Variants in BORCS7 observed in about 807,000 individuals in gnomAD.
The protein encoded by BORCS7 is BLOC-1-related complex subunit 7.
Under a neutral mutation model 17.5 loss-of-function variants are expected in BORCS7, and 20 were observed. The observed-to-expected ratio is 1.14, with a 90% confidence interval of 0.80 to 1.66. The LOEUF is 1.66. Ranked by LOEUF, BORCS7 falls within the 40% of genes most tolerant of loss-of-function variation. The pLI, the probability that BORCS7 is intolerant of heterozygous loss-of-function variation, is 0.00. For synonymous variants in BORCS7, 57 were observed against 49.8 expected (o/e 1.14, Z -0.61); for missense variants, 122 against 129.7 (o/e 0.94, Z 0.29).
At chr10:102,862,630 T>C (rs1844538641) in intron 4 of BORCS7, among the ~76,000 whole-genome samples, 1 of 152,180 alleles carries the variant, frequency 6.6e-6, no homozygotes, top group Admixed American at 6.5e-5. Context: ...CATGCAACAG[T>C]ATTTATGCAT....
intron 1 of BORCS7, among the ~76,000 whole-genome samples, chr10:102,856,758 T>G (rs911262948): frequency 4.6e-5 from 7 of 152,236 alleles, no homozygotes; most frequent in African/African-American, 1.7e-4. Context: ...CTGGTCTGTT[T>G]ATGTAGGAAA....
At position 102,863,682 on chromosome 10, in the gene BORCS7, C is replaced by A. The variant is rs1590214528; in HGVS notation, c.*758C>A. On this transcript the variant is annotated 3_prime_UTR_variant, in exon 5 of 5. Transcript: ENST00000339834. Reference sequence around the variant, plus strand: ...TAAGGAAATATTTTAATTTCATGGTCATATAATGGTGATAAGTAATACCTG... The same window carrying A: ...TAAGGAAATATTTTAATTTCATGGTAATATAATGGTGATAAGTAATACCTG... 6.6e-6 allele frequency: 1 copy of A among 152,212 alleles called. No individual in the cohort carries two copies. The highest frequency in any genetic ancestry group is 1.5e-5 in the Non-Finnish European group (1 of 68,018). 9.4% of individuals were successfully genotyped at this position (152,212 alleles called of 1,614,324 possible).
At chr10:102,862,212 AC>A in intron 4 of BORCS7, 32 bp downstream of exon 4, 1 of 1,596,510 alleles carries the variant, frequency 6.3e-7, no homozygotes, top group Non-Finnish European at 8.6e-7. Context: ...GGAGTAGGGA[AC>A]CAACTGAAGC....
In BORCS7 at chr10:102,863,052, A is replaced by G. The variant is rs1844544760; in HGVS notation, c.*128A>G. The G allele has an allele frequency of 4.5e-6, 4 of 882,052 alleles. No individual in the cohort carries two copies. Among genetic ancestry groups the G allele is most frequent in the Non-Finnish European group, 5.5e-6 (3 of 549,396 alleles). 54.6% of individuals were successfully genotyped at this position (882,052 alleles called of 1,614,324 possible). Reference sequence around the variant, plus strand: ...AGTTAAGTTAGAAAAGTTCTGTGTTAGGGCCGGGCGCGGTAGCTCACGCCT... The same window carrying G: ...AGTTAAGTTAGAAAAGTTCTGTGTTGGGGCCGGGCGCGGTAGCTCACGCCT... On this transcript the variant is annotated 3_prime_UTR_variant, in exon 5 of 5. Transcript: ENST00000339834.
chr10:102,861,419 GA>G (rs745985677), intron 3 of BORCS7, among the ~76,000 whole-genome samples: 47 of 101,918 alleles, frequency 4.6e-4, no homozygotes, highest in East Asian at 8.8e-4. Context: ...TCTGCCTCCA[GA>G]AAAAAAAAAA....
At chr10:102,854,542 A>C in intron 1 of BORCS7, 115 bp downstream of exon 1, 1 of 1,279,130 alleles carries the variant, frequency 7.8e-7, no homozygotes, top group East Asian at 2.6e-5. Context: ...AGTACTTGCT[A>C]TGAGTAGGTC....
chr10:102,860,350 C>G lies in BORCS7; in HGVS notation c.160C>G (p.Arg54Gly), dbSNP rs762780871. The G allele has an allele frequency of 2.5e-6, 4 of 1,613,440 alleles. No individual in the cohort carries two copies. The highest frequency in any genetic ancestry group is 2.2e-5 in the South Asian group (2 of 91,048). The change falls in exon 2 of 5, where the codon CGA (arginine) becomes GGA (glycine). Residue 54 changes from arginine to glycine, a missense_variant. Physicochemically the swap from Arg to Gly is moderately radical, Grantham distance 125. Transcript: ENST00000339834. ...CTTCCAGCTGCTAGGTCAGGCAGCT[C>G]GAAACATGGTACTCCAGGAAGATGC... ...RSSELLGQAA[R>G]NMVLQEDAIL...
chr10:102,854,373 T>A lies in BORCS7; in HGVS notation c.87T>A (p.Gly29=). 1 of 1,571,584 alleles carries A rather than the reference T, an allele frequency of 6.4e-7. No individual in the cohort carries two copies. The highest frequency in any genetic ancestry group is 8.6e-7 in the Non-Finnish European group (1 of 1,157,156). The change falls in exon 1 of 5, where the codon GGT becomes GGA. Residue 29 remains glycine, a synonymous_variant. Coordinates refer to ENST00000339834, the MANE Select transcript of BORCS7 (RefSeq NM_001136200.2). ...TCACGGAGAAGGTGACCACCTGTGG[T>A]ACTGACGTAATCGCGCTCACCAAGC... ...GLLTEKVTTC[G]TDVIALTKQV... is the part of the protein sequence containing the mutation.
intron 3 of BORCS7, among the ~76,000 whole-genome samples, chr10:102,861,277 G>A (rs1844516458): frequency 1.3e-5 from 2 of 151,912 alleles, no homozygotes; most frequent in East Asian, 1.9e-4. Context: ...GTAGCCGGGT[G>A]TGGTGGTGGG....
chr10:102,856,172 T>C (rs1420803523), intron 1 of BORCS7, among the ~76,000 whole-genome samples: 1 of 152,196 alleles, frequency 6.6e-6, no homozygotes, highest in Non-Finnish European at 1.5e-5. Context: ...TTATGACTCA[T>C]AGGCTTGTCT....
chr10:102,857,409 A>G (rs7087310), intron 1 of BORCS7, among the ~76,000 whole-genome samples: 243 of 152,244 alleles, frequency 1.6e-3, no homozygotes, highest in African/African-American at 5.4e-3. Flanking sequence ...TCTCCCATCT[A>G]TAGGAGTTTG....
intron 1 of BORCS7, among the ~76,000 whole-genome samples, chr10:102,854,924 G>C (rs1267579975): frequency 1.4e-5 from 2 of 145,976 alleles, no homozygotes; most frequent in Non-Finnish European, 3.0e-5. Flanking sequence ...TATATATAAT[G>C]TGTATGTATA....
chr10:102,862,798 T>C, intron 4 of BORCS7, 75 bp from the exon 5 acceptor site: 1 of 1,387,276 alleles, frequency 7.2e-7, no homozygotes, highest in Non-Finnish European at 1.0e-6. Flanking sequence ...AAAAAAAAAA[T>C]TTGTAAATAG....
intron 1 of BORCS7, among the ~76,000 whole-genome samples, chr10:102,855,827 C>G (rs1343202253): frequency 6.6e-6 from 1 of 152,092 alleles, no homozygotes; most frequent in South Asian, 2.1e-4. Context: ...GTGGCCCGAT[C>G]TCGGGCTCAC....
rs1197964781 is a variant in BORCS7 at position 102,862,142 on chromosome 10, T to A, written c.249-18T>A. The A allele has an allele frequency of 6.2e-7, 1 of 1,601,498 alleles. No individual in the cohort carries two copies. The highest frequency in any genetic ancestry group is 1.7e-5 in the Admixed American group (1 of 59,940). On this transcript the variant is annotated intron_variant, in intron 3 of 4. Transcript: ENST00000339834. Reference sequence around the variant, plus strand: ...TAGTTCACTTATGTGTATTTTCCTCTTTCCTTTTCTGATTTAGGCAAGAAG... The same window carrying A: ...TAGTTCACTTATGTGTATTTTCCTCATTCCTTTTCTGATTTAGGCAAGAAG...
intron 1 of BORCS7, 92 bp downstream of exon 1, chr10:102,854,519 T>G: frequency 7.0e-7 from 1 of 1,428,538 alleles, no homozygotes; most frequent in Non-Finnish European, 9.4e-7. Flanking sequence ...ATCTTGGGAA[T>G]TGTAGGCTGT....
At chr10:102,862,807 AGTT>A in intron 4 of BORCS7, 63 bp from the exon 5 acceptor site, 1 of 1,446,192 alleles carries the variant, frequency 6.9e-7, no homozygotes, top group African/African-American at 1.4e-5. Flanking sequence ...ATTTGTAAAT[AGTT>A]GTACAAAGAT....
Position 102,854,264 on chromosome 10 carries a change from TG to T in BORCS7, c.-22del, listed in dbSNP as rs753910123. ...GGCCCCGGCGACTCACCATCGTCAGTGCGCAACCGTTCGCTAACTGAAATGA... is the reference window on the plus strand; with the variant it reads ...GGCCCCGGCGACTCACCATCGTCAGTCGCAACCGTTCGCTAACTGAAATGA... On this transcript the variant is annotated 5_prime_UTR_variant, in exon 1 of 5. Coordinates refer to ENST00000339834, the MANE Select transcript of BORCS7 (RefSeq NM_001136200.2). 5 of 1,602,660 alleles carry T rather than the reference TG, an allele frequency of 3.1e-6. No individual in the cohort carries two copies. The African/African-American group carries it at 6.7e-5, about 21-fold the overall frequency.
intron 3 of BORCS7, chr10:102,860,814 G>A (rs1340082484): frequency 1.8e-6 from 1 of 559,760 alleles, no homozygotes; most frequent in Non-Finnish European, 3.2e-6. Context: ...TGTAAAGGCA[G>A]GGCCCGTGCC....
Sources: gnomAD v4.1 joint callset for allele counts (sites outside exome capture counted in the v4.1 genomes callset) on GRCh38, gnomAD v4.1.1 for gene constraint, MANE v1.5 for transcripts, NCBI Gene and HGNC (gene_info 2026-07-23, HGNC 2026-07-21) for gene names.